The following MED15 variants were observed in gnomAD, a reference collection of about 807,000 sequenced individuals.
The protein encoded by MED15 is mediator of RNA polymerase II transcription subunit 15.
A neutral mutation model predicts 118.7 loss-of-function variants in MED15; 41 were observed. The observed-to-expected ratio is 0.35, with a 90% CI of 0.27 to 0.45. The LOEUF is 0.45. Ranked by LOEUF, MED15 falls within the 20% of genes least tolerant of loss-of-function variation. The pLI is 1.00. For synonymous variants in MED15, 436 were observed against 413.9 expected (o/e 1.05, Z -0.65); for missense variants, 740 against 1,025.5 (o/e 0.72, Z 3.80).
intron 2 of MED15, among the ~76,000 whole-genome samples, chr22:20,537,437 C>A (rs1177508489): frequency 1.3e-5 from 2 of 152,206 alleles, no homozygotes; most frequent in Non-Finnish European, 2.9e-5. Flanking sequence ...GACCTCACTG[C>A]CGTCACCTTC....
chr22:20,581,102 C>T (rs575740519), intron 9 of MED15, among the ~76,000 whole-genome samples: 2 of 152,308 alleles, frequency 1.3e-5, no homozygotes, highest in South Asian at 4.1e-4. Context: ...CTGTTGTGGT[C>T]ACGCTCTGTG....
intron 5 of MED15, among the ~76,000 whole-genome samples, chr22:20,557,314 T>C (rs1009562875): frequency 6.6e-6 from 1 of 152,116 alleles, no homozygotes; most frequent in African/African-American, 2.4e-5. Flanking sequence ...TTCTACCCAC[T>C]CCTGCTCTGG....
At chr22:20,545,605 A>G (rs571237481) in intron 2 of MED15, among the ~76,000 whole-genome samples, 42 of 152,252 alleles carry the variant, frequency 2.8e-4, no homozygotes, top group African/African-American at 9.6e-4. Context: ...CAGCCAGCCT[A>G]TTACATATAT....
At chr22:20,583,665 G>T (rs2057054482) in intron 13 of MED15, 2 of 468,480 alleles carry the variant, frequency 4.3e-6, no homozygotes, top group South Asian at 4.8e-5. Flanking sequence ...AGCAGCCAGG[G>T]GCCCAGCTTG....
intron 1 of MED15, among the ~76,000 whole-genome samples, chr22:20,519,437 G>GT (rs367839665): frequency 0.14 from 19,595 of 139,958 alleles, 3,172 homozygotes; most frequent in African/African-American, 0.4. Flanking sequence ...TTTTGAGGGT[G>GT]TTTTTTTTTT....
chr22:20,552,844 C>T (rs2055834070), intron 3 of MED15: 3 of 381,314 alleles, frequency 7.9e-6, no homozygotes, highest in African/African-American at 4.1e-5. Context: ...AGACTCTGGA[C>T]CTGGGAAAAA....
At chr22:20,523,992 C>T (rs922782278) in intron 1 of MED15, 2 of 255,194 alleles carry the variant, frequency 7.8e-6, no homozygotes, top group African/African-American at 4.6e-5. Context: ...GATTTTCATT[C>T]TGCAGGACCA....
intron 1 of MED15, among the ~76,000 whole-genome samples, chr22:20,525,292 CAA>C (rs2054593074): frequency 6.6e-6 from 1 of 151,674 alleles, no homozygotes; most frequent in Admixed American, 6.6e-5. Context: ...GTCTCAAAAA[CAA>C]AAGAAAGGTG....
At chr22:20,519,892 CCTT>C (rs1360676595) in intron 1 of MED15, among the ~76,000 whole-genome samples, 2 of 152,232 alleles carry the variant, frequency 1.3e-5, no homozygotes, top group African/African-American at 2.4e-5. Context: ...GGGGCCTCCT[CCTT>C]CTGGGCTTCG....
rs1157202779 is a variant in MED15 at position 20,584,935 on chromosome 22, C to T, written c.1884C>T (p.Asn628=). ...CGCTCCTGGATGCCGTCCTGGCCAA[C>T]ATCCGCTCACCTGTCTTCAACCATT... ...CQPLLDAVLA[N]IRSPVFNHSL... Residue 628 remains asparagine, a synonymous_variant, in exon 15 of 18, where the codon AAC becomes AAT. Transcript: ENST00000263205. The T allele has an allele frequency of 1.1e-5, 17 of 1,613,992 alleles. No individual in the cohort carries two copies. The highest frequency in any genetic ancestry group is 1.4e-5 in the Non-Finnish European group (17 of 1,180,040).
At chr22:20,538,726 G>A (rs1305510398) in intron 2 of MED15, among the ~76,000 whole-genome samples, 1 of 151,664 alleles carries the variant, frequency 6.6e-6, no homozygotes, top group Non-Finnish European at 1.5e-5. Flanking sequence ...GTGTGTGACA[G>A]TTTTCCTCTT....
intron 2 of MED15, among the ~76,000 whole-genome samples, chr22:20,548,372 C>G (rs1319557650): frequency 6.6e-6 from 1 of 152,142 alleles, no homozygotes; most frequent in African/African-American, 2.4e-5. Flanking sequence ...ACCATGTTGG[C>G]CAGGCTGGTC....
intron 5 of MED15, among the ~76,000 whole-genome samples, chr22:20,561,751 A>G (rs1055911491): frequency 6.6e-6 from 1 of 152,206 alleles, no homozygotes; most frequent in African/African-American, 2.4e-5. Context: ...GCAGTGGCTC[A>G]CGTCTGTAAT....
intron 2 of MED15, among the ~76,000 whole-genome samples, chr22:20,541,735 C>T (rs558047022): frequency 5.3e-5 from 8 of 152,106 alleles, no homozygotes; most frequent in South Asian, 4.2e-4. Context: ...ACGCAACCTC[C>T]GCCTCCCAGG....
At position 20,584,897 on chromosome 22, in the gene MED15, T is replaced by C. The variant is rs768472978; in HGVS notation, c.1846T>C (p.Tyr616His). 16 of 1,613,410 alleles carry C rather than the reference T, an allele frequency of 9.9e-6. No homozygotes were observed. In the Admixed American group the frequency reaches 2.7e-4, roughly 27 times the overall value. ...CCCGGTGCCACCGACCAAACAGCAG[T>C]ACCTATGCCAGCCGCTCCTGGATGC... ...PPPVPPTKQQ[Y>H]LCQPLLDAVL... is the part of the protein sequence containing the mutation. Residue 616 changes from tyrosine (Y) to histidine (H), a missense_variant, in exon 15 of 18, where the codon TAC becomes CAC. Physicochemically the swap from Tyr to His is moderately conservative, Grantham distance 83 (BLOSUM62 2). Around this residue, in one of 7 missense-constraint regions of MED15, gnomAD observed 179 missense variants for 259.0 expected, o/e 0.69. Transcript: ENST00000263205.
chr22:20,507,671 G>A lies in MED15; in HGVS notation c.-8G>A. 6.2e-7 allele frequency: 1 copy of A among 1,614,028 alleles called. No homozygotes were observed. Among genetic ancestry groups the A allele is most frequent in the Non-Finnish European group, 8.5e-7 (1 of 1,179,916 alleles). ...CGGGATACGGGCGGCGGGAGCTGGG[G>A]AACAGGCATGGACGTTTCCGGGCAA... is the stretch of plus-strand genomic sequence containing the variant. On this transcript the variant is annotated 5_prime_UTR_variant, in exon 1 of 18. Coordinates refer to ENST00000263205, the MANE Select transcript of MED15 (RefSeq NM_001003891.3).
chr22:20,520,585 C>G (rs1479899922), intron 1 of MED15, among the ~76,000 whole-genome samples: 2 of 152,194 alleles, frequency 1.3e-5, no homozygotes, highest in Admixed American at 6.5e-5. Context: ...TAATCCCTAT[C>G]ACAGTGAACG....
At chr22:20,579,974 G>C (rs1259407903) in intron 9 of MED15, among the ~76,000 whole-genome samples, 1 of 152,124 alleles carries the variant, frequency 6.6e-6, no homozygotes, top group Non-Finnish European at 1.5e-5. Context: ...CTTCAGATGA[G>C]TCTTTGGGGG....
chr22:20,576,460 C>G (rs1356999148), intron 9 of MED15, among the ~76,000 whole-genome samples: 1 of 152,266 alleles, frequency 6.6e-6, no homozygotes, highest in Non-Finnish European at 1.5e-5. Flanking sequence ...ACACCACACA[C>G]TGCCAAGAAA....
Sources: allele counts gnomAD v4.1 joint callset (sites outside exome capture counted in the v4.1 genomes callset), GRCh38; gene constraint gnomAD v4.1.1; regional missense constraint gnomAD v4.1.1; transcripts MANE v1.5; gene names NCBI Gene and HGNC (gene_info 2026-07-23, HGNC 2026-07-21).